Variants in SGK1 observed in about 807,000 individuals in gnomAD.
SGK1 encodes the protein serine/threonine-protein kinase Sgk1.
SGK1 carries 26 observed loss-of-function variants against 64.2 expected under a neutral mutation model. The ratio of observed to expected loss-of-function variants is 0.40; its 90% confidence interval spans 0.30 to 0.56. The LOEUF (loss-of-function observed/expected upper bound fraction) is 0.56, where lower values mean the gene tolerates loss of function less well. Ranked by LOEUF, SGK1 falls within the 20% of genes least tolerant of loss-of-function variation. SGK1 has a pLI of 0.38. For missense variants in SGK1, 519 were observed against 645.6 expected (o/e 0.80, Z 2.12); for synonymous variants, 265 against 239.7 (o/e 1.11, Z -0.98).
intron 1 of SGK1, among the ~76,000 whole-genome samples, chr6:134,278,494 G>A (rs1331923287): frequency 6.6e-6 from 1 of 152,152 alleles, no homozygotes; most frequent in African/African-American, 2.4e-5. Context: ...CTTGTTCGTT[G>A]AGTCCTCTTA....
chr6:134,233,059 T>C (rs1392809876), intron 2 of SGK1, among the ~76,000 whole-genome samples: 2 of 87,612 alleles, frequency 2.3e-5, no homozygotes, highest in Non-Finnish European at 5.2e-5. Context: ...CTTTATGTTT[T>C]CATTTTTTAA....
At chr6:134,297,574 C>T in intron 1 of SGK1, 1 of 498,694 alleles carries the variant, frequency 2.0e-6, no homozygotes, top group South Asian at 1.6e-5. Flanking sequence ...ACGATCTCGG[C>T]TCACTGCAAG....
intron 3 of SGK1, chr6:134,177,982 C>T: frequency 1.5e-6 from 1 of 668,646 alleles, no homozygotes; most frequent in Non-Finnish European, 2.5e-6. Context: ...CATCAGTGTC[C>T]TAGCTTTATT....
intron 2 of SGK1, 46 bp downstream of exon 2, chr6:134,261,887 C>T (rs761792816): frequency 7.1e-7 from 1 of 1,415,804 alleles, no homozygotes; most frequent in Non-Finnish European, 1.0e-6. Flanking sequence ...AAACAAAGGC[C>T]CAGAATTTTT....
At chr6:134,249,215 G>A (rs187085395) in intron 2 of SGK1, among the ~76,000 whole-genome samples, 43 of 152,254 alleles carry the variant, frequency 2.8e-4, no homozygotes, top group African/African-American at 9.4e-4. Flanking sequence ...ACTCTCTCTC[G>A]TCTATTCTTT....
chr6:134,197,846 A>G (rs918748956), intron 3 of SGK1, among the ~76,000 whole-genome samples: 1 of 144,398 alleles, frequency 6.9e-6, no homozygotes, highest in Non-Finnish European at 1.5e-5. Context: ...AATAAAATAA[A>G]ATAAAATAAA....
At chr6:134,312,778 T>A (rs1166409609) in intron 1 of SGK1, among the ~76,000 whole-genome samples, 4 of 152,122 alleles carry the variant, frequency 2.6e-5, no homozygotes, top group Non-Finnish European at 2.9e-5. Flanking sequence ...TATGATAATT[T>A]TTTTTTTTCC....
At chr6:134,186,822 T>TG (rs1176775014) in intron 3 of SGK1, among the ~76,000 whole-genome samples, 4 of 151,742 alleles carry the variant, frequency 2.6e-5, no homozygotes, top group African/African-American at 9.7e-5. Flanking sequence ...GTTTTTTTTT[T>TG]GGTTTTTTTT....
chr6:134,261,636 T>C, intron 2 of SGK1: 1 of 581,486 alleles, frequency 1.7e-6, no homozygotes, highest in South Asian at 2.3e-5. Flanking sequence ...CATAAAACTC[T>C]GCTAGGGAAT....
chr6:134,305,386 A>AAG (rs1777520217), intron 1 of SGK1, among the ~76,000 whole-genome samples: 1 of 140,702 alleles, frequency 7.1e-6, no homozygotes, highest in African/African-American at 2.6e-5. Flanking sequence ...AAAAAAAAAA[A>AAG]GGGAAAGAAA....
intron 3 of SGK1, chr6:134,175,737 GAC>G: frequency 1.5e-6 from 2 of 1,366,744 alleles, no homozygotes; most frequent in Non-Finnish European, 1.9e-6. Context: ...GAGCCGCCGT[GAC>G]TCAGGCCGGG....
intron 3 of SGK1, among the ~76,000 whole-genome samples, chr6:134,187,395 G>T (rs1262703887): frequency 6.6e-6 from 1 of 152,130 alleles, no homozygotes; most frequent in African/African-American, 2.4e-5. Flanking sequence ...GTCACTAGGG[G>T]GAATAGTGAG....
At position 134,173,004 on chromosome 6, in the gene SGK1, T is replaced by C. The variant is rs747507958; in HGVS notation, c.834+19A>G. On this transcript the variant is annotated intron_variant, in intron 8 of 13. Coordinates refer to ENST00000367858, the MANE Select transcript of SGK1 (RefSeq NM_001143676.3). The stretch of plus-strand genomic sequence containing the variant: ...CTGTGCAGAGACACTAAGAGTTGAC[T>C]TCTATCCCCCCTGCTCACCTCTCCA... 1 of 1,602,046 alleles carries C rather than the reference T, an allele frequency of 6.2e-7. No homozygotes were observed. The highest frequency in any genetic ancestry group is 8.5e-7 in the Non-Finnish European group (1 of 1,172,386).
At chr6:134,232,425 A>G (rs200922322) in intron 2 of SGK1, among the ~76,000 whole-genome samples, 2,028 of 41,926 alleles carry the variant, frequency 0.048, 246 homozygotes, top group East Asian at 0.14. Context: ...GAAAGAAAGA[A>G]AGAAAGAAAG....
At chr6:134,171,754 CA>C (rs754759505) in intron 10 of SGK1, 22 bp from the exon 11 acceptor site, 1 of 1,549,404 alleles carries the variant, frequency 6.5e-7, no homozygotes, top group Non-Finnish European at 8.9e-7. Context: ...ACCAGGGAAA[CA>C]GCGTTTAGAA....
intron 2 of SGK1, among the ~76,000 whole-genome samples, chr6:134,253,244 A>G (rs1045844651): frequency 2.0e-5 from 3 of 152,122 alleles, no homozygotes; most frequent in Non-Finnish European, 4.4e-5. Flanking sequence ...AGTGCTTTCT[A>G]GGCTGAAGCA....
chr6:134,273,262 G>A (rs1776967180), intron 1 of SGK1, among the ~76,000 whole-genome samples: 2 of 147,276 alleles, frequency 1.4e-5, no homozygotes, highest in South Asian at 2.2e-4. Flanking sequence ...AAAGATGGAG[G>A]GTACTTGGTC....
intron 1 of SGK1, among the ~76,000 whole-genome samples, chr6:134,268,146 C>G (rs1776881456): frequency 6.6e-6 from 1 of 152,198 alleles, no homozygotes; most frequent in African/African-American, 2.4e-5. Context: ...TCGGGGAATT[C>G]AAGCTACAAC....
At chr6:134,294,519 A>G (rs1465344438) in intron 1 of SGK1, among the ~76,000 whole-genome samples, 2 of 152,110 alleles carry the variant, frequency 1.3e-5, no homozygotes, top group African/African-American at 4.8e-5. Flanking sequence ...CAAGTATTTT[A>G]CTTATAAATT....
Sources: gnomAD v4.1 joint callset for allele counts (sites outside exome capture counted in the v4.1 genomes callset) on GRCh38, gnomAD v4.1.1 for gene constraint, MANE v1.5 for transcripts, NCBI Gene and HGNC (gene_info 2026-07-23, HGNC 2026-07-21) for gene names.